Variants in MCTP1 observed in about 807,000 individuals in gnomAD.
MCTP1 encodes the protein multiple C2 and transmembrane domain-containing protein 1.
In MCTP1, 69 loss-of-function variants were observed where a neutral mutation model predicts 120.6. The observed-to-expected ratio is 0.57, with a 90% confidence interval of 0.47 to 0.70. MCTP1 has a LOEUF of 0.70. Ranked by LOEUF, MCTP1 falls within the 30% of genes least tolerant of loss-of-function variation. The pLI is 0.00. For synonymous variants in MCTP1, 529 were observed against 493.1 expected (o/e 1.07, Z -0.96); for missense variants, 1,203 against 1,248.8 (o/e 0.96, Z 0.55).
At chr5:94,961,377 G>C (rs531605477) in intron 2 of MCTP1, among the ~76,000 whole-genome samples, 12 of 152,082 alleles carry the variant, frequency 7.9e-5, no homozygotes, top group African/African-American at 1.7e-4. Context: ...TAACAAATCT[G>C]CACGTTCTGA....
At chr5:95,021,652 A>G (rs1838216020) in intron 1 of MCTP1, among the ~76,000 whole-genome samples, 2 of 152,020 alleles carry the variant, frequency 1.3e-5, no homozygotes, top group African/African-American at 4.8e-5. Context: ...TATTTTGTAT[A>G]CTGACTTTAT....
rs563315235 is a variant in MCTP1, at chr5:95,005,063, C to T, written c.838+12304G>A. On this transcript the variant is annotated intron_variant, in intron 2 of 22. Transcript: ENST00000515393. ...GCTGCCCAAGGTCTTGGGAGCCCAT[C>T]CCTTGCATCAGTCTTCCCTGGATGT... is the stretch of plus-strand genomic sequence containing the variant. 2.6e-5 allele frequency among the ~76,000 whole-genome samples: 4 copies of T among 152,326 alleles called. No individual in the cohort carries two copies. In the East Asian group the frequency reaches 7.7e-4, roughly 29 times the overall value.
chr5:94,993,762 T>C (rs1295990376), intron 2 of MCTP1, among the ~76,000 whole-genome samples: 3 of 152,142 alleles, frequency 2.0e-5, no homozygotes, highest in Non-Finnish European at 2.9e-5. Flanking sequence ...CTAGAAACTT[T>C]GTGTTTGCTT....
At chr5:95,187,416 T>C (rs1167642468) in intron 1 of MCTP1, among the ~76,000 whole-genome samples, 1 of 152,210 alleles carries the variant, frequency 6.6e-6, no homozygotes, top group Non-Finnish European at 1.5e-5. Flanking sequence ...TGTTTTTGTT[T>C]TGAGATGGAG....
chr5:95,228,309 C>A (rs1484368440), intron 1 of MCTP1, among the ~76,000 whole-genome samples: 1 of 152,150 alleles, frequency 6.6e-6, no homozygotes, highest in Non-Finnish European at 1.5e-5. Flanking sequence ...TTTATACACT[C>A]TGAAATGAGG....
intron 1 of MCTP1, among the ~76,000 whole-genome samples, chr5:95,233,445 C>T (rs1205890436): frequency 6.6e-6 from 1 of 152,000 alleles, no homozygotes; most frequent in East Asian, 1.9e-4. Context: ...TCTTCTGCCT[C>T]AGCCTCCCAA....
intron 18 of MCTP1, among the ~76,000 whole-genome samples, chr5:94,786,090 T>C (rs560142536): frequency 6.6e-6 from 1 of 152,236 alleles, no homozygotes; most frequent in South Asian, 2.1e-4. Flanking sequence ...AAATTTATCT[T>C]GGAGATTAAT....
intron 19 of MCTP1, among the ~76,000 whole-genome samples, chr5:94,730,478 A>C (rs1762923074): frequency 6.6e-6 from 1 of 152,154 alleles, no homozygotes; most frequent in Non-Finnish European, 1.5e-5. Context: ...CCTAGGGAAG[A>C]GTGGAGCAGG....
intron 1 of MCTP1, chr5:95,068,811 C>T: frequency 7.8e-7 from 1 of 1,279,204 alleles, no homozygotes; most frequent in South Asian, 1.3e-5. Flanking sequence ...CTGTCCTTTC[C>T]AATCTTACCA....
rs1342895297 is a variant in MCTP1, at chr5:95,145,922, C to A, written c.721-128438G>T. 2.0e-5 allele frequency among the ~76,000 whole-genome samples: 3 copies of A among 152,038 alleles called. No homozygotes were observed. In the South Asian group the frequency reaches 6.2e-4, roughly 31 times the overall value. ...CTTCATAAAATCAGTTAGGGAGGAG[C>A]CTCTCCTGTTTCATTTTCTGGAATG... On this transcript the variant is annotated intron_variant, in intron 1 of 22. Coordinates refer to ENST00000515393, the MANE Select transcript of MCTP1 (RefSeq NM_024717.7).
At chr5:94,938,984 A>G (rs1007009410) in intron 5 of MCTP1, among the ~76,000 whole-genome samples, 3 of 152,092 alleles carry the variant, frequency 2.0e-5, no homozygotes, top group African/African-American at 7.2e-5. Context: ...ACTAGGTATT[A>G]TTATCTGGCA....
chr5:94,902,560 G>GAA (rs1328463789), intron 10 of MCTP1, among the ~76,000 whole-genome samples: 6 of 152,046 alleles, frequency 3.9e-5, no homozygotes, highest in African/African-American at 1.5e-4. Flanking sequence ...AATAATACAT[G>GAA]TATGAAGCTT....
intron 21 of MCTP1, chr5:94,709,269 C>G (rs753727129): frequency 1.3e-5 from 2 of 152,088 alleles, no homozygotes; most frequent in African/African-American, 4.8e-5. Flanking sequence ...TCCATCTCCT[C>G]ATGTAAGACC....
At chr5:94,743,672 C>A (rs1392136047) in intron 19 of MCTP1, among the ~76,000 whole-genome samples, 1 of 132,184 alleles carries the variant, frequency 7.6e-6, no homozygotes, top group Non-Finnish European at 1.5e-5. Flanking sequence ...GAGTCTCCCT[C>A]TGTCGCCCAG....
intron 1 of MCTP1, among the ~76,000 whole-genome samples, chr5:95,066,855 G>A (rs1278100296): frequency 6.6e-6 from 1 of 152,202 alleles, no homozygotes. Context: ...AAATGAAACT[G>A]TTCCACCTCA....
intron 1 of MCTP1, among the ~76,000 whole-genome samples, chr5:95,072,662 T>G (rs969270963): frequency 1.3e-5 from 2 of 151,328 alleles, no homozygotes; most frequent in Non-Finnish European, 2.9e-5. Flanking sequence ...AATAATATTC[T>G]CAAAGTCACA....
chr5:95,076,425 T>C (rs930474106), intron 1 of MCTP1, among the ~76,000 whole-genome samples: 5 of 146,224 alleles, frequency 3.4e-5, no homozygotes, highest in Non-Finnish European at 7.5e-5. Flanking sequence ...GATTTCAAGA[T>C]TCACAGGAAC....
At chr5:94,870,064 G>A (rs551104794) in intron 16 of MCTP1, among the ~76,000 whole-genome samples, 20 of 152,144 alleles carry the variant, frequency 1.3e-4, no homozygotes, top group Admixed American at 2.0e-4. Context: ...AGCTTTTGGT[G>A]TTCTCATTTA....
At chr5:94,712,189 G>A (rs1561509603) in intron 20 of MCTP1, among the ~76,000 whole-genome samples, 1 of 152,024 alleles carries the variant, frequency 6.6e-6, no homozygotes, top group African/African-American at 2.4e-5. Flanking sequence ...ATAAAATGGG[G>A]ATAGCTTTTA....
Sources: gnomAD v4.1 joint callset for allele counts (sites outside exome capture counted in the v4.1 genomes callset) on GRCh38, gnomAD v4.1.1 for gene constraint, MANE v1.5 for transcripts, NCBI Gene and HGNC (gene_info 2026-07-23, HGNC 2026-07-21) for gene names.